LUZP2: variants seen among roughly 807,000 people sequenced by gnomAD.
LUZP2 encodes the protein leucine zipper protein 2.
Under a neutral mutation model 51.6 loss-of-function variants are expected in LUZP2, and 52 were observed. The observed-to-expected ratio is 1.01, with a 90% CI of 0.81 to 1.27. The LOEUF is 1.27. Among genes scored for constraint, LUZP2 ranks in the 50% most tolerant of loss-of-function variants. LUZP2 has a pLI of 0.00. For missense variants in LUZP2, 436 were observed against 395.4 expected (o/e 1.10, Z -0.87); for synonymous variants, 154 against 137.3 (o/e 1.12, Z -0.85).
chr11:24,618,309 G>T (rs970604296), intron 1 of LUZP2, among the ~76,000 whole-genome samples: 7 of 152,150 alleles, frequency 4.6e-5, no homozygotes, highest in Admixed American at 4.6e-4. Context: ...TTGAGGAGAG[G>T]TTATCAGCTC....
intron 10 of LUZP2, among the ~76,000 whole-genome samples, chr11:25,068,497 G>C (rs1301731818): frequency 1.3e-5 from 2 of 151,836 alleles, no homozygotes; most frequent in African/African-American, 4.8e-5. Flanking sequence ...GAAGAAAAAT[G>C]GTGCTGCCTT....
intron 10 of LUZP2, among the ~76,000 whole-genome samples, chr11:25,062,458 C>T (rs1430290049): frequency 6.7e-6 from 1 of 149,146 alleles, no homozygotes; most frequent in African/African-American, 2.4e-5. Context: ...CATGTGGTGG[C>T]ATTTGCCTGT....
rs570605606 is a variant in LUZP2 at position 24,621,320 on chromosome 11, C to T, written c.63-107849C>T. ...CTGCTAAGGTCACATACCAATACTG[C>T]GTGTAGTTGAACTGGAGTCTGTTTG... is the stretch of plus-strand genomic sequence containing the variant. On this transcript the variant is annotated intron_variant, in intron 1 of 11. Coordinates refer to ENST00000336930, the MANE Select transcript of LUZP2 (RefSeq NM_001009909.4). 1.6e-4 allele frequency among the ~76,000 whole-genome samples: 25 copies of T among 152,328 alleles called. No homozygotes were observed. The South Asian group carries it at 4.6e-3, about 28-fold the overall frequency.
chr11:24,858,595 A>T (rs149059116), intron 5 of LUZP2, among the ~76,000 whole-genome samples: 11 of 152,354 alleles, frequency 7.2e-5, no homozygotes, highest in African/African-American at 2.4e-4. Flanking sequence ...AGCTATTGCC[A>T]AATGCAAAGA....
At chr11:24,753,825 A>T (rs1859677698) in intron 4 of LUZP2, among the ~76,000 whole-genome samples, 1 of 152,136 alleles carries the variant, frequency 6.6e-6, no homozygotes, top group Non-Finnish European at 1.5e-5. Context: ...TATCTTCATT[A>T]ATCAGTATAG....
rs74861526 is a variant in LUZP2, at chr11:24,527,681, A to G, written c.62+30376A>G. 3.9e-3 allele frequency among the ~76,000 whole-genome samples: 597 copies of G among 151,184 alleles called. 4 individuals carry two copies. The highest frequency in any genetic ancestry group is 0.014 in the African/African-American group (575 of 41,362). On this transcript the variant is annotated intron_variant, in intron 1 of 11. Coordinates refer to ENST00000336930, the MANE Select transcript of LUZP2 (RefSeq NM_001009909.4). ...TCAGTTCCACCCCTGCCTCCCACACACAAACCCCACTTAATCCAGCCTTGA... is the reference window on the plus strand; with the variant it reads ...TCAGTTCCACCCCTGCCTCCCACACGCAAACCCCACTTAATCCAGCCTTGA...
At chr11:24,801,526 A>C (rs944048673) in intron 5 of LUZP2, among the ~76,000 whole-genome samples, 12 of 152,010 alleles carry the variant, frequency 7.9e-5, no homozygotes, top group Non-Finnish European at 1.6e-4. Context: ...TATTTTATAA[A>C]TGAGGCTTAG....
intron 9 of LUZP2, among the ~76,000 whole-genome samples, chr11:25,025,719 G>A (rs1041514452): frequency 1.3e-5 from 2 of 152,136 alleles, no homozygotes; most frequent in Non-Finnish European, 2.9e-5. Context: ...TTCAACCCTT[G>A]TGGAAGACAG....
chr11:24,673,313 T>C (rs1565068543), intron 1 of LUZP2, among the ~76,000 whole-genome samples: 1 of 152,198 alleles, frequency 6.6e-6, no homozygotes, highest in Non-Finnish European at 1.5e-5. Context: ...AAAAATGTCA[T>C]GTGGTACACG....
intron 5 of LUZP2, chr11:24,891,174 A>AG (rs1852842642): frequency 1.0e-6 from 1 of 984,928 alleles, no homozygotes; most frequent in Non-Finnish European, 1.2e-6. Context: ...AACCGACAGT[A>AG]TCTAATGTGA....
At chr11:24,781,802 C>A (rs532499949) in intron 5 of LUZP2, among the ~76,000 whole-genome samples, 1 of 151,882 alleles carries the variant, frequency 6.6e-6, no homozygotes, top group Non-Finnish European at 1.5e-5. Flanking sequence ...ATAATATCTT[C>A]CTTACCCAAT....
intron 5 of LUZP2, among the ~76,000 whole-genome samples, chr11:24,764,558 C>T (rs1160488637): frequency 6.7e-6 from 1 of 149,160 alleles, no homozygotes; most frequent in Non-Finnish European, 1.5e-5. Flanking sequence ...CAGCTTCTTA[C>T]GAGGCCAAGG....
intron 1 of LUZP2, among the ~76,000 whole-genome samples, chr11:24,684,624 A>T (rs1040778180): frequency 1.3e-5 from 2 of 152,244 alleles, no homozygotes; most frequent in African/African-American, 4.8e-5. Context: ...TAACAGATAG[A>T]AATTGGAGGG....
intron 1 of LUZP2, among the ~76,000 whole-genome samples, chr11:24,595,246 G>A (rs1040665492): frequency 4.0e-5 from 6 of 150,812 alleles, no homozygotes; most frequent in South Asian, 2.1e-4. Flanking sequence ...TACATGGGCC[G>A]AAGCACAGAA....
At chr11:24,960,099 C>A (rs538445669) in intron 7 of LUZP2, among the ~76,000 whole-genome samples, 100 of 152,206 alleles carry the variant, frequency 6.6e-4, no homozygotes, top group African/African-American at 2.3e-3. Context: ...AGGGATGAAG[C>A]CCACTTGATC....
At chr11:24,800,346 G>C (rs1703676706) in intron 5 of LUZP2, among the ~76,000 whole-genome samples, 2 of 151,916 alleles carry the variant, frequency 1.3e-5, no homozygotes, top group Non-Finnish European at 2.9e-5. Context: ...TAGGACTGTG[G>C]TGTCTGTGAT....
chr11:24,572,665 G>C (rs1178652617), intron 1 of LUZP2, among the ~76,000 whole-genome samples: 5 of 152,010 alleles, frequency 3.3e-5, no homozygotes, highest in Non-Finnish European at 5.9e-5. Flanking sequence ...CCTGGAGACT[G>C]TGAGACAGCT....
At chr11:25,058,959 T>A (rs1438396373) in intron 10 of LUZP2, among the ~76,000 whole-genome samples, 2 of 152,236 alleles carry the variant, frequency 1.3e-5, no homozygotes, top group Non-Finnish European at 2.9e-5. Context: ...ACTATTGGTG[T>A]TTCTAAGTAG....
At chr11:24,682,952 C>T (rs1263605382) in intron 1 of LUZP2, among the ~76,000 whole-genome samples, 2 of 151,818 alleles carry the variant, frequency 1.3e-5, no homozygotes, top group Non-Finnish European at 2.9e-5. Flanking sequence ...TGCAGTGAGC[C>T]GAGATCAGCT....
Sources: allele counts gnomAD v4.1 joint callset (sites outside exome capture counted in the v4.1 genomes callset), GRCh38; gene constraint gnomAD v4.1.1; transcripts MANE v1.5; gene names NCBI Gene and HGNC (gene_info 2026-07-23, HGNC 2026-07-21).